Variants in FBXL7 observed in about 807,000 individuals in gnomAD.
The protein encoded by FBXL7 is F-box and leucine rich repeat protein 7, also known as F-box/LRR-repeat protein 7.
Under a neutral mutation model 38.3 loss-of-function variants are expected in FBXL7, and 12 were observed. The ratio of observed to expected loss-of-function variants is 0.31; its 90% CI spans 0.20 to 0.51. FBXL7 has a LOEUF of 0.51. Ranked by LOEUF, FBXL7 falls within the 20% of genes least tolerant of loss-of-function variation. The probability of loss-of-function intolerance (pLI) is 0.98; values close to 1 mark genes in which losing one functional copy is unlikely to be tolerated. For missense variants in FBXL7, 567 were observed against 676.4 expected (o/e 0.84, Z 1.79); for synonymous variants, 297 against 300.9 (o/e 0.99, Z 0.13).
chr5:15,641,071 C>T (rs1741353659), intron 2 of FBXL7, among the ~76,000 whole-genome samples: 1 of 152,170 alleles, frequency 6.6e-6, no homozygotes, highest in South Asian at 2.1e-4. Flanking sequence ...TGCTAATACA[C>T]CCCCAGAGTG....
At chr5:15,797,279 A>G (rs948135952) in intron 2 of FBXL7, among the ~76,000 whole-genome samples, 3 of 152,182 alleles carry the variant, frequency 2.0e-5, no homozygotes, top group Non-Finnish European at 4.4e-5. Context: ...GTACCACTAG[A>G]ACTAATTAAA....
chr5:15,903,838 G>A (rs1044486892), intron 2 of FBXL7, among the ~76,000 whole-genome samples: 52 of 152,264 alleles, frequency 3.4e-4, no homozygotes, highest in African/African-American at 1.2e-3. Flanking sequence ...TACAGAGGTG[G>A]CAGAACTCTT....
intron 2 of FBXL7, among the ~76,000 whole-genome samples, chr5:15,796,960 A>G (rs1006405540): frequency 3.3e-5 from 5 of 152,192 alleles, no homozygotes; most frequent in Non-Finnish European, 5.9e-5. Context: ...TTTTATTTTT[A>G]CATACATACA....
intron 2 of FBXL7, among the ~76,000 whole-genome samples, chr5:15,626,816 G>A (rs1580417532): frequency 6.6e-6 from 1 of 152,118 alleles, no homozygotes; most frequent in African/African-American, 2.4e-5. Flanking sequence ...GTACATCTAA[G>A]TGTATTTGTA....
chr5:15,506,748 AG>A (rs1209785449), intron 1 of FBXL7, among the ~76,000 whole-genome samples: 1 of 151,934 alleles, frequency 6.6e-6, no homozygotes, highest in Middle Eastern at 3.4e-3. Context: ...TCTTCTTTTA[AG>A]GGCACTAATG....
At chr5:15,803,057 A>G (rs1420000310) in intron 2 of FBXL7, among the ~76,000 whole-genome samples, 2 of 152,212 alleles carry the variant, frequency 1.3e-5, no homozygotes, top group East Asian at 1.9e-4. Flanking sequence ...CCATGAGGAC[A>G]GGCACCATCT....
In FBXL7 at chr5:15,718,527, C is replaced by G. The variant is rs11960641; in HGVS notation, c.127+102455C>G. 3.8e-3 allele frequency among the ~76,000 whole-genome samples: 577 copies of G among 152,270 alleles called. 3 individuals are homozygous for G. The highest frequency in any genetic ancestry group is 0.013 in the African/African-American group (534 of 41,566). On this transcript the variant is annotated intron_variant, in intron 2 of 3. Coordinates refer to ENST00000504595, the MANE Select transcript of FBXL7 (RefSeq NM_012304.5). ...CAATATTTGACCCTTTAAGGGGTAC[C>G]TCTGCCTGTTAAATAAGCAAGGAAA...
chr5:15,584,880 G>T (rs1012184746), intron 1 of FBXL7, among the ~76,000 whole-genome samples: 4 of 152,120 alleles, frequency 2.6e-5, no homozygotes, highest in African/African-American at 9.7e-5. Flanking sequence ...ATGGTGGAAG[G>T]GTAAGCAGGC....
chr5:15,920,243 C>T (rs1741703077), intron 2 of FBXL7, among the ~76,000 whole-genome samples: 3 of 149,978 alleles, frequency 2.0e-5, no homozygotes, highest in Non-Finnish European at 2.9e-5. Context: ...GATGACAGAG[C>T]GAGACTCCAT....
intron 1 of FBXL7, among the ~76,000 whole-genome samples, chr5:15,546,787 C>T (rs981465597): frequency 1.3e-5 from 2 of 152,164 alleles, no homozygotes; most frequent in South Asian, 2.1e-4. Flanking sequence ...ATGGGTCTCA[C>T]ATTCTTTGCT....
At chr5:15,872,406 CATAACAATAACA>C (rs750171208) in intron 2 of FBXL7, among the ~76,000 whole-genome samples, 2 of 152,086 alleles carry the variant, frequency 1.3e-5, no homozygotes, top group African/African-American at 2.4e-5. Flanking sequence ...CAAGTTCACA[CATAACAATAACA>C]ATAACAATAA....
At chr5:15,932,854 A>T (rs1250266915) in intron 3 of FBXL7, among the ~76,000 whole-genome samples, 1 of 152,104 alleles carries the variant, frequency 6.6e-6, no homozygotes, top group African/African-American at 2.4e-5. Flanking sequence ...CCGGTGTCTG[A>T]ATGTTCACTT....
At chr5:15,707,915 C>T (rs952167277) in intron 2 of FBXL7, among the ~76,000 whole-genome samples, 2 of 152,156 alleles carry the variant, frequency 1.3e-5, no homozygotes, top group Non-Finnish European at 2.9e-5. Flanking sequence ...CTTCCCACCA[C>T]CCTGTATCTT....
intron 2 of FBXL7, among the ~76,000 whole-genome samples, chr5:15,729,448 A>C (rs1735513978): frequency 6.6e-6 from 1 of 152,158 alleles, no homozygotes; most frequent in Non-Finnish European, 1.5e-5. Flanking sequence ...AATGACATGT[A>C]AAATTTCTGT....
chr5:15,799,471 C>T (rs1033954391), intron 2 of FBXL7, among the ~76,000 whole-genome samples: 1 of 148,644 alleles, frequency 6.7e-6, no homozygotes, highest in African/African-American at 2.5e-5. Flanking sequence ...AAGTGATTCT[C>T]CCTACCTCAG....
intron 2 of FBXL7, among the ~76,000 whole-genome samples, chr5:15,785,833 G>T (rs188032214): frequency 1.0e-3 from 156 of 152,344 alleles, no homozygotes; most frequent in African/African-American, 3.7e-3. Flanking sequence ...CATCTGGCAC[G>T]CATTGTGCCT....
intron 2 of FBXL7, among the ~76,000 whole-genome samples, chr5:15,841,388 G>T (rs951027420): frequency 1.3e-5 from 2 of 151,946 alleles, no homozygotes; most frequent in Non-Finnish European, 2.9e-5. Context: ...TATTATAAAT[G>T]AGTGTTTTAT....
At chr5:15,654,370 G>A (rs1127792) in intron 2 of FBXL7, among the ~76,000 whole-genome samples, 4 of 150,068 alleles carry the variant, frequency 2.7e-5, no homozygotes, top group African/African-American at 7.4e-5. Context: ...AAAGAAGAGG[G>A]ATGGTCTGCC....
chr5:15,631,413 G>A (rs781681983), intron 2 of FBXL7, among the ~76,000 whole-genome samples: 1 of 151,944 alleles, frequency 6.6e-6, no homozygotes, highest in Non-Finnish European at 1.5e-5. Context: ...GAAGAAGTGT[G>A]GGCTGGGCGT....
Sources: allele counts gnomAD v4.1 joint callset (sites outside exome capture counted in the v4.1 genomes callset), GRCh38; gene constraint gnomAD v4.1.1; transcripts MANE v1.5; gene names NCBI Gene and HGNC (gene_info 2026-07-23, HGNC 2026-07-21).